OSBPL6: variants seen among roughly 807,000 people sequenced by gnomAD.
OSBPL6 encodes the protein oxysterol-binding protein-related protein 6.
OSBPL6 carries 49 observed loss-of-function variants against 125.8 expected under a neutral mutation model. The ratio of observed to expected loss-of-function variants is 0.39; its 90% CI spans 0.31 to 0.49. The LOEUF (loss-of-function observed/expected upper bound fraction) is 0.49. Ranked by LOEUF, OSBPL6 falls within the 20% of genes least tolerant of loss-of-function variation. OSBPL6 has a pLI of 0.88. For missense variants in OSBPL6, 986 were observed against 1,135.4 expected (o/e 0.87, Z 1.89); for synonymous variants, 394 against 391.8 (o/e 1.01, Z -0.07).
intron 3 of OSBPL6, among the ~76,000 whole-genome samples, chr2:178,308,135 G>A (rs334604): frequency 0.32 from 48,815 of 152,026 alleles, 8,003 homozygotes; most frequent in African/African-American, 0.35. Context: ...AGGTGGAAAC[G>A]CTCCCAAAAA....
intron 3 of OSBPL6, among the ~76,000 whole-genome samples, chr2:178,318,759 G>T (rs1401230616): frequency 1.3e-5 from 2 of 152,198 alleles, no homozygotes; most frequent in African/African-American, 4.8e-5. Context: ...GTAACGTGAT[G>T]GTCATGGAAG....
At chr2:178,298,641 C>A (rs1685972778) in intron 2 of OSBPL6, among the ~76,000 whole-genome samples, 1 of 151,678 alleles carries the variant, frequency 6.6e-6, no homozygotes, top group Non-Finnish European at 1.5e-5. Flanking sequence ...CCTCTTCCTC[C>A]CAAAGTGCTG....
At chr2:178,322,917 T>TA (rs4019732) in intron 3 of OSBPL6, among the ~76,000 whole-genome samples, 90 of 144,568 alleles carry the variant, frequency 6.2e-4, no homozygotes, top group Middle Eastern at 3.6e-3. Flanking sequence ...CTCATGCATT[T>TA]AAAAAAAAAA....
intron 3 of OSBPL6, among the ~76,000 whole-genome samples, chr2:178,307,816 T>C (rs886594852): frequency 6.6e-6 from 1 of 152,036 alleles, no homozygotes; most frequent in Non-Finnish European, 1.5e-5. Flanking sequence ...CCTGGAGAAT[T>C]GTGGCAAATG....
At chr2:178,336,044 C>T (rs1689654056) in intron 8 of OSBPL6, among the ~76,000 whole-genome samples, 1 of 152,152 alleles carries the variant, frequency 6.6e-6, no homozygotes, top group Admixed American at 6.5e-5. Context: ...GTTGGCAGAT[C>T]CTTGTAATTA....
At chr2:178,235,015 T>C (rs1475082190) in intron 1 of OSBPL6, among the ~76,000 whole-genome samples, 2 of 152,234 alleles carry the variant, frequency 1.3e-5, no homozygotes, top group African/African-American at 4.8e-5. Context: ...TAAATTTATC[T>C]TGTTAACCTC....
At position 178,402,347 on chromosome 2, in the gene OSBPL6, A is replaced by G. The variant is rs1365981734; in HGVS notation, c.*6788A>G. On this transcript the variant is annotated 3_prime_UTR_variant, in exon 25 of 25. Transcript: ENST00000190611. ...CAGATAACCAGAAGTTTACTCTTCA[A>G]AGCCAAGAATCAGTACCCCCACCTC... The G allele has an allele frequency of 6.6e-6, 1 of 152,226 alleles. No homozygotes were observed. The highest frequency in any genetic ancestry group is 1.5e-5 in the Non-Finnish European group (1 of 68,088). The allele number at this position is 152,226 out of a possible 1,614,324, so 9.4% of individuals were successfully genotyped here. A position where few individuals can be genotyped will look rare whatever the true frequency, so the allele number is the denominator to read the frequency against.
At chr2:178,318,803 G>A (rs554018279) in intron 3 of OSBPL6, among the ~76,000 whole-genome samples, 1 of 152,320 alleles carries the variant, frequency 6.6e-6, no homozygotes, top group South Asian at 2.1e-4. Flanking sequence ...GGGCTCCCAG[G>A]TGTCAGACAC....
chr2:178,377,656 G>A (rs1694005922), intron 15 of OSBPL6, among the ~76,000 whole-genome samples: 1 of 152,138 alleles, frequency 6.6e-6, no homozygotes, highest in Non-Finnish European at 1.5e-5. Flanking sequence ...AGGAAATTGG[G>A]CCCCTGCACT....
chr2:178,320,073 TA>T (rs1327526111), intron 3 of OSBPL6, among the ~76,000 whole-genome samples: 1 of 152,204 alleles, frequency 6.6e-6, no homozygotes, highest in African/African-American at 2.4e-5. Context: ...TTTAAGTAAG[TA>T]AATGACAAGA....
At chr2:178,322,796 G>C in intron 3 of OSBPL6, among the ~76,000 whole-genome samples, 1 of 151,736 alleles carries the variant, frequency 6.6e-6, no homozygotes, top group East Asian at 1.9e-4. Flanking sequence ...TTTGTTGGTG[G>C]GGGAAGCATT....
intron 1 of OSBPL6, among the ~76,000 whole-genome samples, chr2:178,237,943 T>C (rs1229899201): frequency 6.6e-6 from 1 of 152,178 alleles, no homozygotes; most frequent in African/African-American, 2.4e-5. Context: ...AATCCTGAGT[T>C]AGGTTTCTGA....
At chr2:178,223,225 AT>A (rs2090416010) in intron 1 of OSBPL6, among the ~76,000 whole-genome samples, 1 of 152,216 alleles carries the variant, frequency 6.6e-6, no homozygotes, top group Non-Finnish European at 1.5e-5. Flanking sequence ...GTGATTTTAC[AT>A]TGTCTTAAAT....
intron 18 of OSBPL6, 72 bp downstream of exon 18, chr2:178,384,248 G>A (rs1459975624): frequency 4.0e-5 from 62 of 1,543,264 alleles, no homozygotes; most frequent in African/African-American, 4.1e-5. Context: ...GCACCATTTC[G>A]ATAACAATCT....
At chr2:178,282,975 G>A (rs1162757738) in intron 1 of OSBPL6, among the ~76,000 whole-genome samples, 1 of 151,976 alleles carries the variant, frequency 6.6e-6, no homozygotes, top group Admixed American at 6.6e-5. Context: ...TTCTATAGCT[G>A]ACAATTCATA....
chr2:178,382,124 A>G (rs929551020), intron 15 of OSBPL6, among the ~76,000 whole-genome samples: 1 of 152,226 alleles, frequency 6.6e-6, no homozygotes, highest in Non-Finnish European at 1.5e-5. Context: ...GTACTCTTGC[A>G]CCAACCTGAA....
chr2:178,367,479 A>T (rs1692948519), intron 13 of OSBPL6, among the ~76,000 whole-genome samples: 1 of 152,176 alleles, frequency 6.6e-6, no homozygotes, highest in Admixed American at 6.5e-5. Flanking sequence ...TTCTCCAGCC[A>T]TTAGGCTTCT....
chr2:178,371,947 A>G lies in OSBPL6; in HGVS notation c.1288-179A>G, dbSNP rs536111637. Among the ~76,000 whole-genome samples the G allele has an allele frequency of 7.9e-5, 12 of 152,294 alleles. No homozygotes were observed. In the South Asian group the frequency reaches 2.5e-3, roughly 32 times the overall value. On this transcript the variant is annotated intron_variant, in intron 13 of 24. Coordinates refer to ENST00000190611, the MANE Select transcript of OSBPL6 (RefSeq NM_032523.4). ...AGCAATCTTATTTTATAAAAAATGA[A>G]TACCTTAATTTTGAGCCATTTATTT...
chr2:178,316,749 T>C (rs2154067980), intron 3 of OSBPL6, among the ~76,000 whole-genome samples: 1 of 152,288 alleles, frequency 6.6e-6, no homozygotes, highest in East Asian at 1.9e-4. Flanking sequence ...TGGAGATGAT[T>C]TAAAGTATAT....
Sources: gnomAD v4.1 joint callset for allele counts (sites outside exome capture counted in the v4.1 genomes callset) on GRCh38, gnomAD v4.1.1 for gene constraint, MANE v1.5 for transcripts, NCBI Gene and HGNC (gene_info 2026-07-23, HGNC 2026-07-21) for gene names.